The following INPP4B variants were observed in gnomAD, a reference collection of about 807,000 sequenced individuals.
INPP4B encodes inositol polyphosphate-4-phosphatase type II B, also known as inositol polyphosphate 4-phosphatase type II.
Under a neutral mutation model 122.5 loss-of-function variants are expected in INPP4B, and 55 were observed. The observed-to-expected ratio is 0.45, with a 90% confidence interval of 0.36 to 0.56. The LOEUF (loss-of-function observed/expected upper bound fraction) is 0.56, where lower values mean the gene tolerates loss of function less well. Ranked by LOEUF, INPP4B falls within the 20% of genes least tolerant of loss-of-function variation. INPP4B has a pLI of 0.00. For missense variants in INPP4B, 1,000 were observed against 1,097.7 expected, an observed-to-expected ratio of 0.91 and a Z score of 1.26; for synonymous variants, 403 against 388.7, an observed-to-expected ratio of 1.04 and a Z score of -0.43.
At chr4:142,359,888 C>T (rs1784841225) in intron 7 of INPP4B, among the ~76,000 whole-genome samples, 1 of 151,916 alleles carries the variant, frequency 6.6e-6, no homozygotes, top group African/African-American at 2.4e-5. Context: ...TCCGATCATG[C>T]TGAACTTTAA....
chr4:142,578,473 A>G (rs1480134825), intron 2 of INPP4B, among the ~76,000 whole-genome samples: 3 of 151,952 alleles, frequency 2.0e-5, no homozygotes, highest in Non-Finnish European at 4.4e-5. Context: ...AGGAGTTGGC[A>G]GGTTGGTTTT....
chr4:142,614,294 G>A (rs1310005627), intron 2 of INPP4B, among the ~76,000 whole-genome samples: 1 of 152,010 alleles, frequency 6.6e-6, no homozygotes, highest in Non-Finnish European at 1.5e-5. Flanking sequence ...ATACTCTAGG[G>A]AAAGAACACA....
At chr4:142,428,439 GA>G (rs761603416) in intron 5 of INPP4B, among the ~76,000 whole-genome samples, 198 of 131,496 alleles carry the variant, frequency 1.5e-3, no homozygotes, top group Middle Eastern at 4.1e-3. Context: ...ACCATGACAG[GA>G]AAAAAAAAAA....
At position 142,268,322 on chromosome 4, in the gene INPP4B, C is replaced by CAAAAAAAAA. The variant is rs56908599; in HGVS notation, c.615+2332_615+2340dup. On this transcript the variant is annotated intron_variant, in intron 10 of 25. Coordinates refer to ENST00000262992, the MANE Select transcript of INPP4B (RefSeq NM_001101669.3). ...TGGGTGACAGAGCAAGACTCCGTCT[C>CAAAAAAAAA]AAAAAAAAAAAAAAAAAAAAAAAAT... Among the ~76,000 whole-genome samples, 26 of 6,902 alleles carry CAAAAAAAAA rather than the reference C, an allele frequency of 3.8e-3. 8 individuals carry two copies. Among genetic ancestry groups the CAAAAAAAAA allele is most frequent in the Non-Finnish European group, 5.8e-3 (14 of 2,410 alleles). 4.5% of individuals were successfully genotyped at this position (6,902 alleles called of 152,430 possible).
At chr4:142,753,351 T>G (rs143513583) in intron 1 of INPP4B, among the ~76,000 whole-genome samples, 107 of 152,230 alleles carry the variant, frequency 7.0e-4, no homozygotes, top group African/African-American at 2.4e-3. Flanking sequence ...TTTAAATATA[T>G]CCAATATTAC....
intron 2 of INPP4B, among the ~76,000 whole-genome samples, chr4:142,592,369 T>C (rs1384934650): frequency 6.6e-6 from 1 of 152,184 alleles, no homozygotes; most frequent in African/African-American, 2.4e-5. Flanking sequence ...ATTTAGCACA[T>C]TGACACTTGG....
At chr4:142,685,686 G>T (rs970446454) in intron 2 of INPP4B, among the ~76,000 whole-genome samples, 10 of 152,122 alleles carry the variant, frequency 6.6e-5, no homozygotes, top group African/African-American at 2.4e-4. Context: ...CCTGAGTCAG[G>T]GAGGTCAAGG....
At chr4:142,655,448 T>C (rs1382255851) in intron 2 of INPP4B, among the ~76,000 whole-genome samples, 1 of 152,230 alleles carries the variant, frequency 6.6e-6, no homozygotes, top group Non-Finnish European at 1.5e-5. Flanking sequence ...ATCATCCATA[T>C]GCTCATTTTT....
In INPP4B at chr4:142,769,985, C is replaced by T. The variant is rs115916243; in HGVS notation, c.-253-44084G>A. ...TGGACCCACACGTTGGGTATTATTA[C>T]TCATTGACAAATCTGTTTTTCTTCA... is the stretch of plus-strand genomic sequence containing the variant. On this transcript the variant is annotated intron_variant, in intron 1 of 25. Coordinates refer to ENST00000262992, the MANE Select transcript of INPP4B (RefSeq NM_001101669.3). Among the ~76,000 whole-genome samples the T allele has an allele frequency of 9.2e-3, 1,405 of 152,224 alleles. 26 individuals are homozygous for T. Among genetic ancestry groups the T allele is most frequent in the African/African-American group, 0.031 (1,307 of 41,552 alleles).
At chr4:142,296,127 T>C (rs1406286157) in intron 9 of INPP4B, among the ~76,000 whole-genome samples, 1 of 152,218 alleles carries the variant, frequency 6.6e-6, no homozygotes, top group Non-Finnish European at 1.5e-5. Context: ...TGAGGAACTA[T>C]TGAAGTGTAC....
chr4:142,474,704 G>T (rs867640887), intron 2 of INPP4B, among the ~76,000 whole-genome samples: 1 of 152,066 alleles, frequency 6.6e-6, no homozygotes, highest in African/African-American at 2.4e-5. Flanking sequence ...CTTCCAGCCC[G>T]GCAGTCCCAC....
rs116561149 is a variant in INPP4B, at chr4:142,507,112, G to T, written c.-190-44386C>A. Reference sequence around the variant, plus strand: ...TTTGATAATGTCTCCAGATGAATTCGTATTTTCTTTTGTGCTCCTATAGCC... The same window carrying T: ...TTTGATAATGTCTCCAGATGAATTCTTATTTTCTTTTGTGCTCCTATAGCC... On this transcript the variant is annotated intron_variant, in intron 2 of 25. Coordinates refer to ENST00000262992, the MANE Select transcript of INPP4B (RefSeq NM_001101669.3). Among the ~76,000 whole-genome samples the T allele has an allele frequency of 3.2e-3, 490 of 152,200 alleles. 5 individuals are homozygous for T. The highest frequency in any genetic ancestry group is 0.011 in the African/African-American group (458 of 41,542).
chr4:142,837,164 AT>A (rs1486941434), intron 1 of INPP4B, among the ~76,000 whole-genome samples: 2 of 149,720 alleles, frequency 1.3e-5, no homozygotes, highest in African/African-American at 5.0e-5. Context: ...CTCAAAAATA[AT>A]AATAATAATA....
intron 2 of INPP4B, among the ~76,000 whole-genome samples, chr4:142,485,168 G>T (rs535281534): frequency 3.9e-5 from 6 of 152,042 alleles, no homozygotes; most frequent in Non-Finnish European, 7.4e-5. Context: ...TTTGAAAGAA[G>T]AGACTTTGAT....
At chr4:142,173,205 T>G (rs750151817) in intron 16 of INPP4B, among the ~76,000 whole-genome samples, 1 of 151,954 alleles carries the variant, frequency 6.6e-6, no homozygotes, top group African/African-American at 2.4e-5. Flanking sequence ...CACAGACTGA[T>G]GTAAATCCAC....
intron 3 of INPP4B, among the ~76,000 whole-genome samples, chr4:142,451,760 G>A (rs1354924350): frequency 6.6e-6 from 1 of 152,162 alleles, no homozygotes; most frequent in African/African-American, 2.4e-5. Context: ...TAAAAGGACA[G>A]CACACAAAGC....
chr4:142,393,475 AACTC>A (rs1223972341), intron 7 of INPP4B, among the ~76,000 whole-genome samples: 8 of 152,298 alleles, frequency 5.3e-5, no homozygotes, highest in Admixed American at 1.3e-4. Context: ...ACCTTTGCAA[AACTC>A]ACTCACTGGT....
intron 2 of INPP4B, among the ~76,000 whole-genome samples, chr4:142,519,142 G>A (rs950770455): frequency 2.0e-5 from 3 of 152,044 alleles, no homozygotes; most frequent in African/African-American, 7.2e-5. Flanking sequence ...CTCCGTATAG[G>A]AGCACAGGAA....
At chr4:142,257,760 G>T (rs1413829620) in intron 11 of INPP4B, among the ~76,000 whole-genome samples, 1 of 152,132 alleles carries the variant, frequency 6.6e-6, no homozygotes. Context: ...TCAATATCGT[G>T]AAAATGGCCA....
Sources: allele counts gnomAD v4.1 joint callset (sites outside exome capture counted in the v4.1 genomes callset), GRCh38; gene constraint gnomAD v4.1.1; transcripts MANE v1.5; gene names NCBI Gene and HGNC (gene_info 2026-07-23, HGNC 2026-07-21).